The following ROBO1 variants were observed in gnomAD, a reference collection of about 807,000 sequenced individuals.
ROBO1 encodes the protein roundabout homolog 1.
ROBO1 carries 149 observed loss-of-function variants against 195.9 expected under a neutral mutation model. That is an observed-to-expected ratio of 0.76 (90% CI 0.67 to 0.87). The LOEUF is 0.87. Ranked by LOEUF, ROBO1 falls within the 40% of genes least tolerant of loss-of-function variation. The probability of loss-of-function intolerance (pLI) is 0.00; values close to 1 mark genes in which losing one functional copy is unlikely to be tolerated. For synonymous variants in ROBO1, 816 were observed against 733.2 expected, an observed-to-expected ratio of 1.11 and a Z score of -1.82; for missense variants, 1,933 against 2,068.3, an observed-to-expected ratio of 0.93 and a Z score of 1.27.
chr3:79,025,078 C>T (rs2078178181), intron 3 of ROBO1, among the ~76,000 whole-genome samples: 1 of 152,084 alleles, frequency 6.6e-6, no homozygotes, highest in African/African-American at 2.4e-5. Flanking sequence ...CATCATCTCC[C>T]CCTACATTTA....
intron 2 of ROBO1, among the ~76,000 whole-genome samples, chr3:79,365,947 T>A (rs1402851407): frequency 6.6e-6 from 1 of 151,730 alleles, no homozygotes; most frequent in East Asian, 1.9e-4. Context: ...CTCCCTCCAC[T>A]TTTCCATTGG....
At chr3:79,262,693 T>G (rs2082962949) in intron 2 of ROBO1, among the ~76,000 whole-genome samples, 2 of 152,092 alleles carry the variant, frequency 1.3e-5, no homozygotes, top group South Asian at 2.1e-4. Flanking sequence ...GTGTCTTACA[T>G]GAAAAATATA....
intron 1 of ROBO1, among the ~76,000 whole-genome samples, chr3:79,624,546 A>G (rs1246039134): frequency 6.6e-6 from 1 of 152,206 alleles, no homozygotes; most frequent in African/African-American, 2.4e-5. Context: ...AGGGATTACA[A>G]GCCCAGTCTC....
chr3:78,673,563 T>TAC (rs1708203815), intron 10 of ROBO1, among the ~76,000 whole-genome samples: 1 of 11,306 alleles, frequency 8.8e-5, no homozygotes, highest in Admixed American at 1.4e-3. Flanking sequence ...ACATATATTT[T>TAC]ATATATATAT....
At chr3:79,216,517 ATG>A (rs1462315515) in intron 2 of ROBO1, among the ~76,000 whole-genome samples, 1 of 152,096 alleles carries the variant, frequency 6.6e-6, no homozygotes, top group East Asian at 1.9e-4. Flanking sequence ...ATGTTTGGTA[ATG>A]TTACGTTGAG....
intron 28 of ROBO1, among the ~76,000 whole-genome samples, chr3:78,612,883 C>A (rs1005198892): frequency 1.4e-4 from 21 of 152,154 alleles, no homozygotes; most frequent in African/African-American, 4.8e-4. Flanking sequence ...ATAAACATTT[C>A]AGATTAACTT....
intron 23 of ROBO1, among the ~76,000 whole-genome samples, chr3:78,635,562 T>G (rs547308867): frequency 6.6e-6 from 1 of 152,236 alleles, no homozygotes; most frequent in South Asian, 2.1e-4. Flanking sequence ...CATTTGAAAA[T>G]ACTTATATAT....
chr3:79,747,460 G>T (rs1703926978), intron 1 of ROBO1, among the ~76,000 whole-genome samples: 2 of 151,940 alleles, frequency 1.3e-5, no homozygotes, highest in Admixed American at 1.3e-4. Context: ...ATACTCCTAA[G>T]AAAAAGTAAA....
intron 3 of ROBO1, among the ~76,000 whole-genome samples, chr3:79,005,574 A>G (rs938783412): frequency 6.6e-6 from 1 of 152,204 alleles, no homozygotes; most frequent in Non-Finnish European, 1.5e-5. Context: ...GTTTTGTAGT[A>G]TATCTCAACC....
At chr3:78,899,215 A>AT (rs1264287064) in intron 4 of ROBO1, among the ~76,000 whole-genome samples, 1 of 152,214 alleles carries the variant, frequency 6.6e-6, no homozygotes, top group Non-Finnish European at 1.5e-5. Flanking sequence ...GACAACTTAA[A>AT]TAAGTAAGTG....
Position 78,618,014 on chromosome 3 carries a change from T to A in ROBO1, c.3903A>T (p.Pro1301=). ...RRRQPVSPPP[P]PRPISPPHTY... The stretch of plus-strand genomic sequence containing the variant: ...TATGTGGAGGGGAGATCGGCCGTGG[T>A]GGTGGAGGAGGACTCACAGGCTGCC... The change falls in exon 27 of 31, where the codon CCA becomes CCT. Residue 1301 remains proline (P), a synonymous_variant. Transcript: ENST00000464233. The A allele has an allele frequency of 1.9e-6, 3 of 1,613,292 alleles. No homozygotes were observed. Among genetic ancestry groups the A allele is most frequent in the Non-Finnish European group, 2.5e-6 (3 of 1,179,484 alleles).
chr3:79,448,811 T>C (rs1016041108), intron 2 of ROBO1, among the ~76,000 whole-genome samples: 1 of 152,208 alleles, frequency 6.6e-6, no homozygotes, highest in Non-Finnish European at 1.5e-5. Context: ...AATTGTGTTA[T>C]TGTAAAAGAA....
chr3:78,839,436 A>AT (rs377740523), intron 4 of ROBO1, among the ~76,000 whole-genome samples: 44,535 of 150,830 alleles, frequency 0.3, 8,184 homozygotes, highest in South Asian at 0.45. Context: ...AAAAAAGAAT[A>AT]TTTTTTTTCA....
At chr3:79,055,875 T>C (rs575885259) in intron 3 of ROBO1, among the ~76,000 whole-genome samples, 65 of 152,160 alleles carry the variant, frequency 4.3e-4, no homozygotes, top group African/African-American at 1.5e-3. Flanking sequence ...GTGGCCACTC[T>C]CTAAGGAAAA....
intron 1 of ROBO1, among the ~76,000 whole-genome samples, chr3:79,731,428 G>C (rs1472259309): frequency 6.6e-6 from 1 of 152,020 alleles, no homozygotes; most frequent in Non-Finnish European, 1.5e-5. Flanking sequence ...TGGGGCCTGG[G>C]TATTTAAATT....
At chr3:79,455,615 T>TGG (rs1191062436) in intron 2 of ROBO1, among the ~76,000 whole-genome samples, 2 of 152,098 alleles carry the variant, frequency 1.3e-5, no homozygotes, top group Non-Finnish European at 2.9e-5. Flanking sequence ...GCATTTTGAT[T>TGG]GTAGATACAG....
intron 1 of ROBO1, among the ~76,000 whole-genome samples, chr3:79,628,798 T>G (rs1258224884): frequency 6.6e-6 from 1 of 152,076 alleles, no homozygotes; most frequent in Non-Finnish European, 1.5e-5. Context: ...GCAAAGGGTT[T>G]GGAAAGAGAT....
At chr3:78,789,656 T>A (rs909869916) in intron 4 of ROBO1, among the ~76,000 whole-genome samples, 1 of 152,188 alleles carries the variant, frequency 6.6e-6, no homozygotes, top group Non-Finnish European at 1.5e-5. Flanking sequence ...ATACCTTTTG[T>A]CTTATGTAAA....
chr3:79,527,146 A>C (rs1429491837), intron 2 of ROBO1, among the ~76,000 whole-genome samples: 1 of 152,166 alleles, frequency 6.6e-6, no homozygotes, highest in Admixed American at 6.5e-5. Flanking sequence ...AAACCCATTC[A>C]ATAGGAAGCA....
Sources: allele counts gnomAD v4.1 joint callset (sites outside exome capture counted in the v4.1 genomes callset), GRCh38; gene constraint gnomAD v4.1.1; transcripts MANE v1.5; gene names NCBI Gene and HGNC (gene_info 2026-07-23, HGNC 2026-07-21).